RBM41: variants seen among roughly 807,000 people sequenced by gnomAD.
RBM41 encodes RNA-binding protein 41.
RBM41 carries 14 observed loss-of-function variants against 30.8 expected under a neutral mutation model. The ratio of observed to expected loss-of-function variants is 0.45; its 90% CI spans 0.30 to 0.71. The LOEUF (loss-of-function observed/expected upper bound fraction) is 0.71. Ranked by LOEUF, RBM41 falls within the 30% of genes least tolerant of loss-of-function variation. The pLI, the probability that RBM41 is intolerant of heterozygous loss-of-function variation, is 0.08. For synonymous variants in RBM41, 120 were observed against 110.1 expected, an observed-to-expected ratio of 1.09 and a Z score of -0.56; for missense variants, 276 against 326.3, an observed-to-expected ratio of 0.85 and a Z score of 1.19.
intron 5 of RBM41, 67 bp downstream of exon 5, chrX:107,113,330 T>A: frequency 1.0e-6 from 1 of 974,214 alleles, no homozygotes; most frequent in Non-Finnish European, 1.3e-6. Context: ...TGGAATTAAA[T>A]AAGTGCTCAA....
At chrX:107,116,437 TAGG>T (rs1050007649) in intron 2 of RBM41, among the ~76,000 whole-genome samples, 48 of 111,765 alleles carry the variant, frequency 4.3e-4, no homozygotes, top group African/African-American at 1.4e-3. Context: ...TGGGATGCTG[TAGG>T]AGGACATAAA....
At chrX:107,056,931 AGT>A (rs773905098), downstream of RBM41, among the ~76,000 whole-genome samples, 7 of 105,472 alleles carry the variant, frequency 6.6e-5, no homozygotes, top group Admixed American at 7.2e-4. Flanking sequence ...CCCAGACTGG[AGT>A]GCAGTGGTAC....
At chrX:107,105,643 C>G (rs777501530) in intron 5 of RBM41, among the ~76,000 whole-genome samples, 1 of 111,523 alleles carries the variant, frequency 9.0e-6, no homozygotes, top group Non-Finnish European at 1.9e-5. Context: ...GTAACCAAAA[C>G]AGCATGGTAC....
rs377523871 is a variant in RBM41 at position 107,069,292 on chromosome X, A to C, written c.1110T>G (p.Thr370=). The change falls in exon 7 of 8, where the codon ACT becomes ACG. Residue 370 remains threonine, a synonymous_variant. Transcript: ENST00000685964. ...TAAAAGCCTGGCCCCTCATTCGTCCAGTCATCATTCGGAATTGAATTGGAG... is the reference window on the plus strand; with the variant it reads ...TAAAAGCCTGGCCCCTCATTCGTCCCGTCATCATTCGGAATTGAATTGGAG... The part of the protein sequence containing the change: ...KGPPIQFRMM[T]GRMRGQAFIT... 9.9e-6 allele frequency: 12 copies of C among 1,208,152 alleles called. No homozygotes were observed. Among genetic ancestry groups the C allele is most frequent in the Non-Finnish European group, 1.0e-5 (9 of 894,606 alleles).
chrX:107,116,938 C>T (rs1266498955), intron 1 of RBM41, among the ~76,000 whole-genome samples, 172 bp from the exon 2 acceptor site: 1 of 112,557 alleles, frequency 8.9e-6, no homozygotes, highest in Non-Finnish European at 1.9e-5. Context: ...TACCTGTTTA[C>T]ACAGAAGGCA....
At chrX:107,107,696 GATTC>G (rs1818501440) in intron 5 of RBM41, among the ~76,000 whole-genome samples, 1 of 111,618 alleles carries the variant, frequency 9.0e-6, no homozygotes, top group African/African-American at 3.3e-5. Context: ...CAAAGAGAAT[GATTC>G]ATTGTCAAGA....
In RBM41 at chrX:107,066,783, T is replaced by C. The variant is rs1475753923; in HGVS notation, c.*744A>G. ...ATTTCCATTTCCGTTTGGCATTCTT[T>C]GCTTGTATGTTCCTCTTCTAAAATT... On this transcript the variant is annotated 3_prime_UTR_variant, in exon 8 of 8. Transcript: ENST00000685964. 28 of 740,020 alleles carry C rather than the reference T, an allele frequency of 3.8e-5. No individual in the cohort carries two copies. Among genetic ancestry groups the C allele is most frequent in the Non-Finnish European group, 4.3e-5 (27 of 627,732 alleles). The allele number at this position is 740,020 out of a possible 1,213,427, so 61.0% of individuals were successfully genotyped here.
chrX:107,073,096 G>A (rs1194654284), intron 6 of RBM41, among the ~76,000 whole-genome samples: 1 of 111,683 alleles, frequency 9.0e-6, no homozygotes, highest in East Asian at 2.8e-4. Flanking sequence ...AAGATTTCAT[G>A]AATAAGACCT....
At chrX:107,104,245 CTAAT>C (rs1407875089) in intron 5 of RBM41, among the ~76,000 whole-genome samples, 7 of 111,548 alleles carry the variant, frequency 6.3e-5, no homozygotes, top group African/African-American at 1.6e-4. Context: ...ATATTTAACT[CTAAT>C]TAACAGTATA....
intron 5 of RBM41, among the ~76,000 whole-genome samples, chrX:107,106,279 T>C (rs371578447): frequency 2.7e-5 from 3 of 112,056 alleles, no homozygotes; most frequent in South Asian, 3.7e-4. Flanking sequence ...TGCTCATCAT[T>C]ACTGGCCATC....
chrX:107,082,300 G>A (rs1393376526), intron 6 of RBM41, among the ~76,000 whole-genome samples: 1 of 111,376 alleles, frequency 9.0e-6, no homozygotes, highest in Admixed American at 9.5e-5. Context: ...CTATTGATGT[G>A]GCAGATTATA....
In RBM41 at chrX:107,062,722, C is replaced by G. The variant is rs771146745; in HGVS notation, c.*4805G>C. On this transcript the variant is annotated 3_prime_UTR_variant, in exon 8 of 8. Transcript: ENST00000685964. ...TTACAAAGTGAAAGTCCTCCTTCAGCCTATTCAATCCCACTTCCAAAGGTT... is the reference window on the plus strand; with the variant it reads ...TTACAAAGTGAAAGTCCTCCTTCAGGCTATTCAATCCCACTTCCAAAGGTT... Among the ~76,000 whole-genome samples the G allele has an allele frequency of 4.7e-4, 53 of 111,709 alleles. 1 individual carries two copies. Among genetic ancestry groups the G allele is most frequent in the African/African-American group, 1.7e-3 (53 of 30,798 alleles).
chrX:107,093,501 G>T (rs976193223), intron 5 of RBM41, among the ~76,000 whole-genome samples: 3 of 111,705 alleles, frequency 2.7e-5, no homozygotes, highest in Admixed American at 9.5e-5. Flanking sequence ...ATGGGTCAAA[G>T]AACTCATAAA....
downstream of RBM41, among the ~76,000 whole-genome samples, chrX:107,060,947 T>TA: frequency 9.0e-6 from 1 of 111,444 alleles, no homozygotes; most frequent in Middle Eastern, 4.6e-3. Context: ...TAAAAAGGGC[T>TA]AAAAATCACT....
chrX:107,104,994 C>CA (rs1260570888), intron 5 of RBM41, among the ~76,000 whole-genome samples: 37 of 110,145 alleles, frequency 3.4e-4, no homozygotes, highest in Non-Finnish European at 6.3e-4. Context: ...TCCTATTCAA[C>CA]ATAGTGTTGG....
intron 6 of RBM41, among the ~76,000 whole-genome samples, chrX:107,080,218 G>T (rs1319622812): frequency 9.1e-6 from 1 of 110,014 alleles, no homozygotes; most frequent in Non-Finnish European, 1.9e-5. Flanking sequence ...TTCCAAAGAG[G>T]TTGTATTACC....
intron 7 of RBM41, 110 bp from the exon 8 acceptor site, chrX:107,067,803 A>G: frequency 1.4e-5 from 12 of 853,275 alleles, no homozygotes; most frequent in Non-Finnish European, 1.8e-5. Context: ...CTATAAGGCC[A>G]TATAGTCATT....
At chrX:107,058,293 C>CAAAA (rs201428990), downstream of RBM41, among the ~76,000 whole-genome samples, 246 of 45,674 alleles carry the variant, frequency 5.4e-3, 3 homozygotes, top group Non-Finnish European at 9.7e-3. Flanking sequence ...AACTCCGTCT[C>CAAAA]AAAAAAAAAA....
chrX:107,060,595 A>G (rs1158197811), downstream of RBM41, among the ~76,000 whole-genome samples: 14 of 111,464 alleles, frequency 1.3e-4, no homozygotes, highest in African/African-American at 3.9e-4. Context: ...ACTGTGAGAA[A>G]TAAGTATCTG....
Sources: gnomAD v4.1 joint callset for allele counts (sites outside exome capture counted in the v4.1 genomes callset) on GRCh38, gnomAD v4.1.1 for gene constraint, MANE v1.5 for transcripts, NCBI Gene and HGNC (gene_info 2026-07-23, HGNC 2026-07-21) for gene names.